The following RAB3IP variants were observed in gnomAD, a reference collection of about 807,000 sequenced individuals.
The protein encoded by RAB3IP is RAB3A interacting protein, also known as rab-3A-interacting protein.
In RAB3IP, 36 loss-of-function variants were observed where a neutral mutation model predicts 59.1. That is an observed-to-expected ratio of 0.61 (90% confidence interval 0.47 to 0.80). The LOEUF (loss-of-function observed/expected upper bound fraction) is 0.80. Ranked by LOEUF, RAB3IP falls within the 30% of genes least tolerant of loss-of-function variation. RAB3IP has a pLI of 0.00. For missense variants in RAB3IP, 511 were observed against 536.0 expected (o/e 0.95, Z 0.46); for synonymous variants, 207 against 191.2 (o/e 1.08, Z -0.68).
chr12:69,770,140 G>A (rs1036395006), intron 3 of RAB3IP, among the ~76,000 whole-genome samples: 1 of 152,042 alleles, frequency 6.6e-6, no homozygotes, highest in African/African-American at 2.4e-5. Flanking sequence ...GAACATTATA[G>A]ATTCATTAAT....
intron 4 of RAB3IP, among the ~76,000 whole-genome samples, chr12:69,791,531 G>GTA (rs1195366616): frequency 5.9e-5 from 9 of 152,136 alleles, no homozygotes; most frequent in Non-Finnish European, 1.3e-4. Context: ...TTTCTCCTAA[G>GTA]AAGACATACA....
chr12:69,812,680 A>G (rs949035147), intron 8 of RAB3IP, 98 bp from the exon 9 acceptor site: 8 of 777,304 alleles, frequency 1.0e-5, no homozygotes, highest in African/African-American at 5.3e-5. Context: ...TAGGTTCTCA[A>G]ATATTTGTTA....
At position 69,770,877 on chromosome 12, in the gene RAB3IP, A is replaced by G. The variant is rs1193495351; in HGVS notation, c.511-13843A>G. Among the ~76,000 whole-genome samples, 3 of 152,216 alleles carry G rather than the reference A, an allele frequency of 2.0e-5. No homozygotes were observed. In the East Asian group the frequency reaches 5.8e-4, roughly 29 times the overall value. On this transcript the variant is annotated intron_variant, in intron 3 of 10. Transcript: ENST00000247833. ...ATTGTTTCTTTGTGATGAGACATTA[A>G]AAATCTCTTCTATTTTGCAATATAT...
intron 8 of RAB3IP, among the ~76,000 whole-genome samples, chr12:69,802,618 A>C (rs1003150097): frequency 6.6e-6 from 1 of 152,228 alleles, no homozygotes; most frequent in Non-Finnish European, 1.5e-5. Flanking sequence ...AGATCAATAT[A>C]GGGGACTGGA....
chr12:69,743,086 A>G (rs1217785801), intron 1 of RAB3IP, among the ~76,000 whole-genome samples: 2 of 152,226 alleles, frequency 1.3e-5, no homozygotes, highest in African/African-American at 2.4e-5. Context: ...AAATAAGTAT[A>G]TGAATTGACA....
chr12:69,795,026 T>C (rs1011656616), intron 5 of RAB3IP, 115 bp from the exon 6 acceptor site: 2 of 776,552 alleles, frequency 2.6e-6, no homozygotes, highest in African/African-American at 3.5e-5. Context: ...CCACAGGAAA[T>C]ACAAATTAAA....
At chr12:69,769,126 C>G (rs1325724910) in intron 3 of RAB3IP, among the ~76,000 whole-genome samples, 1 of 152,130 alleles carries the variant, frequency 6.6e-6, no homozygotes, top group Admixed American at 6.5e-5. Context: ...TCGCCTTCTG[C>G]CGTGATTGTA....
At chr12:69,785,573 T>C (rs1875508793) in intron 4 of RAB3IP, among the ~76,000 whole-genome samples, 1 of 152,150 alleles carries the variant, frequency 6.6e-6, no homozygotes, top group Non-Finnish European at 1.5e-5. Context: ...TGTTTCAGTT[T>C]GAGTCTGAAG....
chr12:69,754,314 G>A (rs1869816314), intron 1 of RAB3IP, among the ~76,000 whole-genome samples: 1 of 144,102 alleles, frequency 6.9e-6, no homozygotes, highest in African/African-American at 2.6e-5. Context: ...TTGTACTTAG[G>A]ATACACACAC....
At chr12:69,760,206 C>T (rs1393245420) in intron 3 of RAB3IP, among the ~76,000 whole-genome samples, 3 of 152,244 alleles carry the variant, frequency 2.0e-5, no homozygotes, top group Non-Finnish European at 4.4e-5. Flanking sequence ...AGCGAAACCC[C>T]GTCTCCACCA....
intron 8 of RAB3IP, among the ~76,000 whole-genome samples, chr12:69,810,582 C>G (rs1450809734): frequency 6.6e-6 from 1 of 150,998 alleles, no homozygotes; most frequent in Non-Finnish European, 1.5e-5. Context: ...AAGAGCAATA[C>G]ATAACAACTG....
At chr12:69,770,137 A>T (rs2136170894) in intron 3 of RAB3IP, among the ~76,000 whole-genome samples, 1 of 152,318 alleles carries the variant, frequency 6.6e-6, no homozygotes, top group South Asian at 2.1e-4. Context: ...AAAGAACATT[A>T]TAGATTCATT....
At chr12:69,780,802 CT>C (rs1007232091) in intron 3 of RAB3IP, among the ~76,000 whole-genome samples, 3 of 151,892 alleles carry the variant, frequency 2.0e-5, no homozygotes, top group African/African-American at 7.3e-5. Context: ...TTGATTCCTC[CT>C]AAATCTTTTT....
rs1036029492 is a variant in RAB3IP, at chr12:69,767,314, T to C, written c.510+10651T>C. On this transcript the variant is annotated intron_variant, in intron 3 of 10. Coordinates refer to ENST00000247833, the MANE Select transcript of RAB3IP (RefSeq NM_022456.5). ...ATTTGACCTACAAGTCAGTAGGCCA[T>C]GCTTATTGATAAGAGTCAGCTGTAG... 5.3e-5 allele frequency among the ~76,000 whole-genome samples: 8 copies of C among 152,364 alleles called. No individual in the cohort carries two copies. The South Asian group carries it at 1.0e-3, about 20-fold the overall frequency.
intron 3 of RAB3IP, among the ~76,000 whole-genome samples, chr12:69,767,234 T>G (rs904978438): frequency 1.3e-5 from 2 of 152,196 alleles, no homozygotes; most frequent in African/African-American, 4.8e-5. Context: ...GATCTTTTGG[T>G]TTTGCTTCTA....
chr12:69,780,627 G>T (rs1439802476), intron 3 of RAB3IP, among the ~76,000 whole-genome samples: 1 of 152,170 alleles, frequency 6.6e-6, no homozygotes, highest in Non-Finnish European at 1.5e-5. Context: ...CTGGGTTGTG[G>T]GATATGGGTA....
At chr12:69,809,990 C>G (rs1031006837) in intron 8 of RAB3IP, among the ~76,000 whole-genome samples, 3 of 152,166 alleles carry the variant, frequency 2.0e-5, no homozygotes, top group African/African-American at 7.2e-5. Context: ...TTTAGAGTTT[C>G]CGGTTTTTCT....
intron 3 of RAB3IP, among the ~76,000 whole-genome samples, chr12:69,762,333 C>T (rs1244179248): frequency 1.3e-5 from 2 of 152,246 alleles, no homozygotes; most frequent in Non-Finnish European, 2.9e-5. Flanking sequence ...TTGCACTCTA[C>T]TCCAGATCTG....
chr12:69,806,896 G>A (rs1254581158), intron 8 of RAB3IP, among the ~76,000 whole-genome samples: 1 of 152,120 alleles, frequency 6.6e-6, no homozygotes. Flanking sequence ...GGGGTTGGGG[G>A]TAAGGTTATA....
Sources: gnomAD v4.1 joint callset for allele counts (sites outside exome capture counted in the v4.1 genomes callset) on GRCh38, gnomAD v4.1.1 for gene constraint, MANE v1.5 for transcripts, NCBI Gene and HGNC (gene_info 2026-07-23, HGNC 2026-07-21) for gene names.